CSMD3: variants seen among roughly 807,000 people sequenced by gnomAD.
The protein encoded by CSMD3 is CUB and sushi domain-containing protein 3.
A neutral mutation model predicts 435.2 loss-of-function variants in CSMD3; 177 were observed. The observed-to-expected ratio is 0.41, with a 90% confidence interval of 0.36 to 0.46. CSMD3 has a LOEUF of 0.46. CSMD3 is among the 20% of genes least tolerant of loss of function. CSMD3 has a pLI of 0.34. For synonymous variants in CSMD3, 1,656 were observed against 1,520.5 expected (o/e 1.09, Z -2.07); for missense variants, 4,265 against 4,504.6 (o/e 0.95, Z 1.52).
At chr8:113,388,667 TA>T (rs2094449338) in intron 1 of CSMD3, among the ~76,000 whole-genome samples, 2 of 151,612 alleles carry the variant, frequency 1.3e-5, no homozygotes, top group African/African-American at 2.4e-5. Context: ...AAAATTCCCA[TA>T]AAAAATTCAA....
chr8:112,713,750 G>T (rs948781211), intron 13 of CSMD3, among the ~76,000 whole-genome samples: 8 of 152,174 alleles, frequency 5.3e-5, no homozygotes, highest in Non-Finnish European at 1.0e-4. Context: ...CAAGCCAGAA[G>T]AGAGTGGGGA....
At chr8:113,117,770 A>G (rs1452741396) in intron 4 of CSMD3, among the ~76,000 whole-genome samples, 1 of 152,242 alleles carries the variant, frequency 6.6e-6, no homozygotes, top group Non-Finnish European at 1.5e-5. Flanking sequence ...GATGTGAGAC[A>G]TGGGATCAAA....
chr8:113,342,030 C>A (rs1005172427), intron 1 of CSMD3, among the ~76,000 whole-genome samples: 1 of 151,496 alleles, frequency 6.6e-6, no homozygotes, highest in Non-Finnish European at 1.5e-5. Context: ...AAGGAAATTA[C>A]CAAACTCGTA....
chr8:112,444,414 A>C (rs1815370109), intron 32 of CSMD3, among the ~76,000 whole-genome samples: 1 of 152,230 alleles, frequency 6.6e-6, no homozygotes, highest in Non-Finnish European at 1.5e-5. Context: ...AACAGTGTTC[A>C]CAGTGATGTG....
chr8:113,144,155 A>G (rs1327893803), intron 4 of CSMD3, among the ~76,000 whole-genome samples: 2 of 150,920 alleles, frequency 1.3e-5, no homozygotes, highest in African/African-American at 4.8e-5. Flanking sequence ...TTAGATGTTA[A>G]AGTTAAAGCA....
intron 1 of CSMD3, among the ~76,000 whole-genome samples, chr8:113,340,111 A>G (rs900083697): frequency 2.6e-5 from 4 of 151,786 alleles, no homozygotes; most frequent in Non-Finnish European, 5.9e-5. Context: ...TTCCTCTATT[A>G]TTTGTTCCTT....
intron 3 of CSMD3, among the ~76,000 whole-genome samples, chr8:113,175,426 A>G (rs77735804): frequency 0.066 from 9,994 of 151,922 alleles, 448 homozygotes; most frequent in Non-Finnish European, 0.095. Flanking sequence ...AAATGGTTTC[A>G]ATAGACAATT....
At chr8:113,149,956 A>C (rs922504503) in intron 4 of CSMD3, among the ~76,000 whole-genome samples, 5 of 151,932 alleles carry the variant, frequency 3.3e-5, no homozygotes, top group African/African-American at 1.2e-4. Flanking sequence ...TACTCTGAAA[A>C]TCATTATGTG....
Position 113,106,691 on chromosome 8 carries a change from G to A in CSMD3, c.710-7728C>T, listed in dbSNP as rs565237324. Among the ~76,000 whole-genome samples, 4 of 152,278 alleles carry A rather than the reference G, an allele frequency of 2.6e-5. No homozygotes were observed. In the South Asian group the frequency reaches 8.3e-4, roughly 32 times the overall value. Reference sequence around the variant, plus strand: ...AAATTCATGTTCCACTTCCATTTATGAGGTGTTGCTGGGAGGCAGCTGCCA... The same window carrying A: ...AAATTCATGTTCCACTTCCATTTATAAGGTGTTGCTGGGAGGCAGCTGCCA... On this transcript the variant is annotated intron_variant, in intron 4 of 70. Transcript: ENST00000297405.
intron 22 of CSMD3, among the ~76,000 whole-genome samples, chr8:112,628,365 T>C (rs1200576915): frequency 6.7e-6 from 1 of 149,768 alleles, no homozygotes; most frequent in East Asian, 1.9e-4. Context: ...TTCTTAGTAG[T>C]CTTTTCAGGC....
intron 5 of CSMD3, among the ~76,000 whole-genome samples, chr8:113,073,502 G>A (rs1432398641): frequency 6.6e-6 from 1 of 151,752 alleles, no homozygotes; most frequent in Admixed American, 6.6e-5. Context: ...GGTGTAACCT[G>A]GTCCTCTTCA....
intron 58 of CSMD3, among the ~76,000 whole-genome samples, chr8:112,281,938 T>G (rs1818690906): frequency 6.6e-6 from 1 of 152,124 alleles, no homozygotes; most frequent in Non-Finnish European, 1.5e-5. Context: ...TCATTAAGTT[T>G]CAATATATTC....
intron 32 of CSMD3, among the ~76,000 whole-genome samples, chr8:112,467,579 A>G (rs1818086773): frequency 6.6e-6 from 1 of 152,152 alleles, no homozygotes; most frequent in Non-Finnish European, 1.5e-5. Context: ...CCCAAAATTT[A>G]TGTTCACCAA....
At chr8:113,183,864 G>C (rs1469273538) in intron 3 of CSMD3, among the ~76,000 whole-genome samples, 1 of 151,914 alleles carries the variant, frequency 6.6e-6, no homozygotes, top group African/African-American at 2.4e-5. Flanking sequence ...TAAAACAATG[G>C]GCACAGAAAA....
intron 10 of CSMD3, among the ~76,000 whole-genome samples, chr8:112,885,348 T>A (rs1454593783): frequency 7.8e-6 from 1 of 128,540 alleles, no homozygotes; most frequent in South Asian, 2.6e-4. Flanking sequence ...GCTAAATATA[T>A]GTACACAAAT....
At chr8:113,257,328 G>A (rs1044464494) in intron 3 of CSMD3, among the ~76,000 whole-genome samples, 1 of 152,158 alleles carries the variant, frequency 6.6e-6, no homozygotes, top group African/African-American at 2.4e-5. Flanking sequence ...GGAGAATGGC[G>A]TGAACCCAGG....
At chr8:112,685,380 G>C (rs2131801616) in intron 15 of CSMD3, 26 bp downstream of exon 15, 1 of 1,574,638 alleles carries the variant, frequency 6.4e-7, no homozygotes, top group Non-Finnish European at 8.7e-7. Flanking sequence ...ATATTATATG[G>C]GAAAAAAACA....
intron 53 of CSMD3, among the ~76,000 whole-genome samples, chr8:112,296,628 A>G (rs62514394): frequency 0.2 from 30,401 of 151,760 alleles, 3,630 homozygotes; most frequent in East Asian, 0.36. Flanking sequence ...TACTTATTAA[A>G]GAAATTAATA....
At chr8:112,862,362 G>A (rs1380040067) in intron 10 of CSMD3, among the ~76,000 whole-genome samples, 1 of 151,982 alleles carries the variant, frequency 6.6e-6, no homozygotes, top group East Asian at 1.9e-4. Context: ...CATGACGACT[G>A]TTCTAGGTCA....
Sources: allele counts gnomAD v4.1 joint callset (sites outside exome capture counted in the v4.1 genomes callset), GRCh38; gene constraint gnomAD v4.1.1; transcripts MANE v1.5; gene names NCBI Gene and HGNC (gene_info 2026-07-23, HGNC 2026-07-21).